Variants in PPP1R15B observed in about 807,000 individuals in gnomAD.
The protein encoded by PPP1R15B is protein phosphatase 1, regulatory (inhibitor) subunit 15B.
PPP1R15B carries 31 observed loss-of-function variants against 53.9 expected under a neutral mutation model. The ratio of observed to expected loss-of-function variants is 0.58; its 90% CI spans 0.43 to 0.78. PPP1R15B has a LOEUF of 0.78. PPP1R15B is among the 30% of genes least tolerant of loss of function. PPP1R15B has a pLI of 0.00. For synonymous variants in PPP1R15B, 345 were observed against 329.1 expected (o/e 1.05, Z -0.52); for missense variants, 928 against 849.6 (o/e 1.09, Z -1.15).
rs115979358 is a variant in PPP1R15B at position 204,405,702 on chromosome 1, T to C, written c.*390A>G. 1.3e-4 allele frequency: 128 copies of C among 988,246 alleles called. No homozygotes were observed. Among genetic ancestry groups the C allele is most frequent in the Admixed American group, 5.8e-5 (1 of 17,118 alleles). 61.2% of individuals were successfully genotyped at this position (988,246 alleles called of 1,614,324 possible). ...CAAGAAAGAGCCCAAAGTTTTCAGA[T>C]AGGCACACATAATTTAGATTAGAAA... On this transcript the variant is annotated 3_prime_UTR_variant, in exon 2 of 2. Transcript: ENST00000367188.
chr1:204,396,979 G>A (rs1054889884), downstream of PPP1R15B, among the ~76,000 whole-genome samples: 1 of 152,034 alleles, frequency 6.6e-6, no homozygotes, highest in Non-Finnish European at 1.5e-5. Flanking sequence ...CTTAAGCCTA[G>A]GACTTCAAGA....
chr1:204,404,426 A>G lies in PPP1R15B; in HGVS notation c.*1666T>C, dbSNP rs912789449. 7.9e-6 allele frequency: 5 copies of G among 628,966 alleles called. No individual in the cohort carries two copies. The highest frequency in any genetic ancestry group is 9.9e-6 in the Non-Finnish European group (5 of 504,950). 39.0% of individuals were successfully genotyped at this position (628,966 alleles called of 1,614,324 possible). ...CGTGAACCCAGGAGGCGGAGGTTGC[A>G]GTGAGCCGAGATCGCGCCACTGCAC... On this transcript the variant is annotated 3_prime_UTR_variant, in exon 2 of 2. Transcript: ENST00000367188.
chr1:204,404,166 T>C lies in PPP1R15B; in HGVS notation c.*1926A>G. The C allele has an allele frequency of 2.0e-6, 2 of 985,418 alleles. No individual in the cohort carries two copies. The highest frequency in any genetic ancestry group is 3.5e-5 in the African/African-American group (2 of 57,366). 61.0% of individuals were successfully genotyped at this position (985,418 alleles called of 1,614,324 possible). The stretch of plus-strand genomic sequence containing the variant: ...TGAAACTAGCCTGTTTTCATGTTAT[T>C]AGACCATCCTGTAAATGTGCTCCCT... On this transcript the variant is annotated 3_prime_UTR_variant, in exon 2 of 2. Coordinates refer to ENST00000367188, the MANE Select transcript of PPP1R15B (RefSeq NM_032833.5).
chr1:204,405,818 AC>A lies in PPP1R15B; in HGVS notation c.*273del. 8.8e-7 allele frequency: 1 copy of A among 1,142,632 alleles called. No individual in the cohort carries two copies. Among genetic ancestry groups the A allele is most frequent in the African/African-American group, 1.6e-5 (1 of 63,110 alleles). 70.8% of individuals were successfully genotyped at this position (1,142,632 alleles called of 1,614,324 possible). On this transcript the variant is annotated 3_prime_UTR_variant, in exon 2 of 2. Transcript: ENST00000367188. ...GACAACTCAAAAAGGTCCCCTTTCC[AC>A]CTCATGCAGGCAAAGGACATTTAAA...
chr1:204,400,605 C>T (rs1340983885), downstream of PPP1R15B: 1 of 272,046 alleles, frequency 3.7e-6, no homozygotes, highest in Non-Finnish European at 5.6e-6. Flanking sequence ...GGATTACAGG[C>T]ATGAGCCACC....
chr1:204,396,566 A>AAG (rs1479788008), downstream of PPP1R15B, among the ~76,000 whole-genome samples: 1 of 150,896 alleles, frequency 6.6e-6, no homozygotes, highest in Non-Finnish European at 1.5e-5. Flanking sequence ...AAAAAAAAAA[A>AAG]AGACAAAGAA....
In PPP1R15B at chr1:204,403,716, A is replaced by G; in HGVS notation, c.*2376T>C. On this transcript the variant is annotated 3_prime_UTR_variant, in exon 2 of 2. Coordinates refer to ENST00000367188, the MANE Select transcript of PPP1R15B (RefSeq NM_032833.5). Reference sequence around the variant, plus strand: ...TTTAAATGTATAAAATGTTTAATTAAAACCTCCAAAGATTTTCTCTTTAAG... The same window carrying G: ...TTTAAATGTATAAAATGTTTAATTAGAACCTCCAAAGATTTTCTCTTTAAG... 1.0e-6 allele frequency: 1 copy of G among 985,030 alleles called. No individual in the cohort carries two copies. The highest frequency in any genetic ancestry group is 1.2e-6 in the Non-Finnish European group (1 of 829,172). 61.0% of individuals were successfully genotyped at this position (985,030 alleles called of 1,614,324 possible). A position where few individuals can be genotyped will look rare whatever the true frequency, so the allele number is the denominator to read the frequency against.
chr1:204,403,974 C>T lies in PPP1R15B; in HGVS notation c.*2118G>A. 1 of 985,388 alleles carries T rather than the reference C, an allele frequency of 1.0e-6. No individual in the cohort carries two copies. Among genetic ancestry groups the T allele is most frequent in the Non-Finnish European group, 1.2e-6 (1 of 829,904 alleles). The allele number at this position is 985,388 out of a possible 1,614,324, so 61.0% of individuals were successfully genotyped here. ...TTCCAAAATCCAATGAAAGATGTCT[C>T]ATTATTTTCAAATACACAGAGGTGC... is the stretch of plus-strand genomic sequence containing the variant. On this transcript the variant is annotated 3_prime_UTR_variant, in exon 2 of 2. Transcript: ENST00000367188.
rs1674364512 is a variant in PPP1R15B, at chr1:204,411,038, C to A, written c.374G>T (p.Ser125Ile). Residue 125 changes from serine to isoleucine, a missense_variant, in exon 1 of 2, where the codon AGT becomes ATT. Transcript: ENST00000367188. The part of the protein sequence containing the change: ...PAAPTAQKSL[S>I]SLQLDSSDPS... ...GTCTGAGGAGTCGAGCTGCAGCGAA[C>A]TCAAAGATTTCTGCGCTGTGGGGGC... 6.2e-7 allele frequency: 1 copy of A among 1,614,056 alleles called. No homozygotes were observed. The highest frequency in any genetic ancestry group is 1.3e-5 in the African/African-American group (1 of 74,926).
downstream of PPP1R15B, among the ~76,000 whole-genome samples, chr1:204,396,552 C>CAA (rs5780236): frequency 5.3e-3 from 695 of 130,958 alleles, 7 homozygotes; most frequent in South Asian, 0.035. Flanking sequence ...CCCTGTCTGT[C>CAA]AAAAAAAAAA....
chr1:204,411,044 G>C lies in PPP1R15B; in HGVS notation c.368C>G (p.Ser123Cys), dbSNP rs150472729. 4 of 1,614,094 alleles carry C rather than the reference G, an allele frequency of 2.5e-6. No individual in the cohort carries two copies. The highest frequency in any genetic ancestry group is 2.2e-5 in the East Asian group (1 of 44,898). ...EKPAAPTAQK[S>C]LSSLQLDSSD... The stretch of plus-strand genomic sequence containing the variant: ...GGAGTCGAGCTGCAGCGAACTCAAA[G>C]ATTTCTGCGCTGTGGGGGCGGCTGG... Residue 123 changes from serine (S) to cysteine (C), a missense_variant, in exon 1 of 2, where the codon TCT (serine) becomes TGT (cysteine). Transcript: ENST00000367188.
chr1:204,403,281 C>T (rs1674208447), downstream of PPP1R15B: 1 of 384,380 alleles, frequency 2.6e-6, no homozygotes, highest in South Asian at 1.1e-4. Flanking sequence ...TCTTCTATTA[C>T]TAAAATGTTG....
At position 204,406,328 on chromosome 1, in the gene PPP1R15B, A is replaced by C. The variant is rs1345352530; in HGVS notation, c.1921-15T>G. On this transcript the variant is annotated splice_polypyrimidine_tract_variant and intron_variant, in intron 1 of 1. Transcript: ENST00000367188. ...AGGAAGGTTACCTACAAAAACAAAGACTAATTTTAATAACTGTCTAGGATC... is the reference window on the plus strand; with the variant it reads ...AGGAAGGTTACCTACAAAAACAAAGCCTAATTTTAATAACTGTCTAGGATC... The C allele has an allele frequency of 1.9e-6, 3 of 1,612,798 alleles. No individual in the cohort carries two copies. The highest frequency in any genetic ancestry group is 2.5e-6 in the Non-Finnish European group (3 of 1,179,438).
In PPP1R15B at chr1:204,403,867, C is replaced by T; in HGVS notation, c.*2225G>A. The T allele has an allele frequency of 1.0e-6, 1 of 985,696 alleles. No individual in the cohort carries two copies. Among genetic ancestry groups the T allele is most frequent in the Non-Finnish European group, 1.2e-6 (1 of 829,904 alleles). 61.1% of individuals were successfully genotyped at this position (985,696 alleles called of 1,614,324 possible). A position where few individuals can be genotyped will look rare whatever the true frequency, so the allele number is the denominator to read the frequency against. ...CTTATCACCTTCTGATCACTTCTTC[C>T]AAGGAGGCTAGTATATGGAAGAACT... On this transcript the variant is annotated 3_prime_UTR_variant, in exon 2 of 2. Transcript: ENST00000367188.
chr1:204,400,297 C>T (rs1215783413), downstream of PPP1R15B, among the ~76,000 whole-genome samples: 1 of 149,344 alleles, frequency 6.7e-6, no homozygotes, highest in Non-Finnish European at 1.5e-5. Flanking sequence ...TCACCTCTTT[C>T]TTTGACCCTG....
At chr1:204,401,285 C>G (rs1416505805), downstream of PPP1R15B, among the ~76,000 whole-genome samples, 1 of 152,178 alleles carries the variant, frequency 6.6e-6, no homozygotes. Context: ...CTTTATGATA[C>G]CGATTATTAT....
rs991096319 is a variant in PPP1R15B, at chr1:204,410,245, C to G, written c.1167G>C (p.Glu389Asp). The stretch of plus-strand genomic sequence containing the variant: ...CTCCAGGCTCCTTTTCCATAGGTAT[C>G]TCACTAGATGGACAGCCCTCAGAAG... ...ESPSEGCPSS[E>D]IPMEKEPGEG... is the part of the protein sequence containing the mutation. The change falls in exon 1 of 2, where the codon GAG becomes GAC. Residue 389 changes from glutamate to aspartate, a missense_variant. Physicochemically the swap from Glu to Asp is conservative, Grantham distance 45 (BLOSUM62 2). Coordinates refer to ENST00000367188, the MANE Select transcript of PPP1R15B (RefSeq NM_032833.5). 4 of 1,614,142 alleles carry G rather than the reference C, an allele frequency of 2.5e-6. No homozygotes were observed. Among genetic ancestry groups the G allele is most frequent in the Non-Finnish European group, 3.4e-6 (4 of 1,180,026 alleles).
downstream of PPP1R15B, chr1:204,403,309 C>T (rs1297849485): frequency 1.9e-6 from 1 of 513,708 alleles, no homozygotes; most frequent in African/African-American, 2.1e-5. Context: ...TTATACTAAT[C>T]CTGCTTAGTA....
chr1:204,397,731 A>C (rs1344190008), downstream of PPP1R15B, among the ~76,000 whole-genome samples: 1 of 152,226 alleles, frequency 6.6e-6, no homozygotes, highest in Non-Finnish European at 1.5e-5. Flanking sequence ...CAACCATCTT[A>C]GAAAACTGGA....
Sources: gnomAD v4.1 joint callset for allele counts (sites outside exome capture counted in the v4.1 genomes callset) on GRCh38, gnomAD v4.1.1 for gene constraint, MANE v1.5 for transcripts, NCBI Gene and HGNC (gene_info 2026-07-23, HGNC 2026-07-21) for gene names.